The following GBP7 variants were observed in gnomAD, a reference collection of about 807,000 sequenced individuals.
The protein encoded by GBP7 is guanylate-binding protein 7.
A neutral mutation model predicts 61.3 loss-of-function variants in GBP7; 43 were observed. That is an observed-to-expected ratio of 0.70 (90% CI 0.55 to 0.91). The LOEUF is 0.91. GBP7 is among the 40% of genes least tolerant of loss of function. The pLI, the probability that GBP7 is intolerant of heterozygous loss-of-function variation, is 0.00. For synonymous variants in GBP7, 267 were observed against 271.0 expected (o/e 0.99, Z 0.14); for missense variants, 717 against 740.5 (o/e 0.97, Z 0.37).
Position 89,175,571 on chromosome 1 carries a change from G to T in GBP7, c.-20+350C>A, listed in dbSNP as rs1647718683. 2.0e-5 allele frequency among the ~76,000 whole-genome samples: 3 copies of T among 152,268 alleles called. No individual in the cohort carries two copies. The South Asian group carries it at 6.2e-4, about 32-fold the overall frequency. On this transcript the variant is annotated intron_variant, in intron 1 of 10. Coordinates refer to ENST00000294671, the MANE Select transcript of GBP7 (RefSeq NM_207398.3). ...TGCCTCTTTTTGCAGATCCCAAGTT[G>T]CCTACCTTCATTTACCTAGAGCTAT...
chr1:89,154,886 T>C (rs1754160), intron 3 of GBP7, among the ~76,000 whole-genome samples: 106,286 of 151,914 alleles, frequency 0.7, 37,414 homozygotes, highest in East Asian at 0.78. Context: ...GATCTGAGAA[T>C]GGACAGACTG....
chr1:89,135,085 TGAG>T (rs544077815), intron 9 of GBP7, among the ~76,000 whole-genome samples: 2 of 151,892 alleles, frequency 1.3e-5, no homozygotes, highest in Non-Finnish European at 2.9e-5. Flanking sequence ...TAGACCAAGA[TGAG>T]GAAATAATCT....
In GBP7 at chr1:89,137,919, GT is replaced by G. The variant is rs1681843271; in HGVS notation, c.1468+3626del. ...GAAAACTCCATAATTTCTGCCCAAA[GT>G]CTCATCCATCTGATAAACATCAGCA... On this transcript the variant is annotated intron_variant, in intron 9 of 10. Transcript: ENST00000294671. 2.0e-5 allele frequency among the ~76,000 whole-genome samples: 3 copies of G among 152,152 alleles called. No homozygotes were observed. The South Asian group carries it at 6.2e-4, about 32-fold the overall frequency.
Position 89,146,801 on chromosome 1 carries a change from G to A in GBP7, c.1365+766C>T, listed in dbSNP as rs1279608215. Among the ~76,000 whole-genome samples the A allele has an allele frequency of 2.0e-5, 3 of 152,198 alleles. No homozygotes were observed. The East Asian group carries it at 5.8e-4, about 29-fold the overall frequency. Reference sequence around the variant, plus strand: ...GTCAAAAGATAACAAGCGTTGGCAAGGATGTGGAGAAAAGGGAACCCTTAG... The same window carrying A: ...GTCAAAAGATAACAAGCGTTGGCAAAGATGTGGAGAAAAGGGAACCCTTAG... On this transcript the variant is annotated intron_variant, in intron 8 of 10. Transcript: ENST00000294671.
At chr1:89,147,512 C>T (rs1017777621) in intron 8 of GBP7, 55 bp downstream of exon 8, 17 of 1,403,418 alleles carry the variant, frequency 1.2e-5, no homozygotes, top group South Asian at 5.8e-5. Context: ...GAAGAGGCAA[C>T]GAAGACCCTC....
At chr1:89,167,496 A>T (rs536716725) in intron 2 of GBP7, among the ~76,000 whole-genome samples, 1 of 152,114 alleles carries the variant, frequency 6.6e-6, no homozygotes, top group Admixed American at 6.5e-5. Flanking sequence ...TGCCTGCTTG[A>T]TTTAAAAATT....
chr1:89,171,344 T>C (rs1416417307), intron 2 of GBP7, among the ~76,000 whole-genome samples: 1 of 152,096 alleles, frequency 6.6e-6, no homozygotes, highest in Non-Finnish European at 1.5e-5. Context: ...AACAGTCTCA[T>C]GTAAAAGAGA....
chr1:89,175,405 G>A (rs1253093028), intron 1 of GBP7, among the ~76,000 whole-genome samples: 1 of 152,220 alleles, frequency 6.6e-6, no homozygotes. Context: ...GGTATCTATG[G>A]AAGATGAGTG....
chr1:89,140,756 C>A (rs1681920841), intron 9 of GBP7, among the ~76,000 whole-genome samples: 1 of 152,176 alleles, frequency 6.6e-6, no homozygotes, highest in Non-Finnish European at 1.5e-5. Flanking sequence ...TGTGCATGTT[C>A]ATCGGTGCAC....
In GBP7 at chr1:89,152,333, A is replaced by G. The variant is rs562450376; in HGVS notation, c.560T>C (p.Leu187Pro). 3 of 1,614,136 alleles carry G rather than the reference A, an allele frequency of 1.9e-6. No individual in the cohort carries two copies. Among genetic ancestry groups the G allele is most frequent in the South Asian group, 2.2e-5 (2 of 91,088 alleles). The change falls in exon 5 of 11, where the codon CTG becomes CCG. Residue 187 changes from leucine (L) to proline (P), a missense_variant. By Grantham distance (98) the Leu-to-Pro change is moderately conservative. Around this residue, in one of 3 missense-constraint regions of GBP7, gnomAD observed 387 missense variants for 385.2 expected, o/e 1.00. Coordinates refer to ENST00000294671, the MANE Select transcript of GBP7 (RefSeq NM_207398.3). The stretch of plus-strand genomic sequence containing the variant: ...TGTGATGGGGTGTCCATCTAACTTC[A>G]GCTCCAGGGTAAAATCTCGAACAGT... ...IWTVRDFTLE[L>P]KLDGHPITED...
intron 2 of GBP7, among the ~76,000 whole-genome samples, chr1:89,166,223 G>A (rs890901030): frequency 3.3e-5 from 5 of 152,174 alleles, no homozygotes; most frequent in African/African-American, 4.8e-5. Flanking sequence ...CAAGAGGTCC[G>A]GGTACTGGGT....
At chr1:89,140,451 A>AT (rs1187174418) in intron 9 of GBP7, among the ~76,000 whole-genome samples, 2 of 86,032 alleles carry the variant, frequency 2.3e-5, no homozygotes, top group Non-Finnish European at 4.7e-5. Flanking sequence ...AATAATAATA[A>AT]AAAAAACTGA....
At chr1:89,150,690 A>G (rs1410316496) in intron 5 of GBP7, 115 bp from the exon 6 acceptor site, 3 of 1,069,978 alleles carry the variant, frequency 2.8e-6, no homozygotes, top group African/African-American at 3.2e-5. Context: ...CTGTGAATCT[A>G]CTCTATGTAA....
chr1:89,171,795 G>T lies in GBP7; in HGVS notation c.141C>A (p.Tyr47Ter), dbSNP rs1647606655. ...PVVVVAIVGL[Y>*]RTGKSYLMNK... is the part of the protein sequence containing the mutation. Reference sequence around the variant, plus strand: ...TCATTAGGTAGGATTTGCCTGTGCGGTAGAGGCCCACAATTGCCACCACTA... The same window carrying T: ...TCATTAGGTAGGATTTGCCTGTGCGTTAGAGGCCCACAATTGCCACCACTA... The change falls in exon 2 of 11, where the codon TAC becomes TAA. Residue 47 changes from tyrosine to a stop codon, truncating the protein, a stop_gained. Coordinates refer to ENST00000294671, the MANE Select transcript of GBP7 (RefSeq NM_207398.3). LOFTEE classifies it high-confidence loss of function. 1.2e-6 allele frequency: 2 copies of T among 1,613,394 alleles called. No individual in the cohort carries two copies. Among genetic ancestry groups the T allele is most frequent in the African/African-American group, 2.7e-5 (2 of 74,682 alleles).
chr1:89,133,539 G>A (rs1032978475), intron 9 of GBP7, 88 bp from the exon 10 acceptor site: 12 of 1,079,842 alleles, frequency 1.1e-5, no homozygotes, highest in Non-Finnish European at 1.5e-5. Flanking sequence ...GTCAGGAAGA[G>A]CTTCTCCCAC....
chr1:89,134,624 A>G (rs4655902), intron 9 of GBP7, among the ~76,000 whole-genome samples: 110,723 of 149,838 alleles, frequency 0.74, 41,212 homozygotes, highest in African/African-American at 0.82. Context: ...AAAAAAACCC[A>G]GTCAGATGAA....
At chr1:89,175,335 G>A (rs1317441704) in intron 1 of GBP7, among the ~76,000 whole-genome samples, 1 of 152,108 alleles carries the variant, frequency 6.6e-6, no homozygotes, top group African/African-American at 2.4e-5. Flanking sequence ...TCCTCTTATA[G>A]CAATGGCCTA....
chr1:89,147,533 C>T (rs1180089294), intron 8 of GBP7, 34 bp downstream of exon 8: 1 of 1,545,206 alleles, frequency 6.5e-7, no homozygotes, highest in East Asian at 2.3e-5. Flanking sequence ...TGACTATCCT[C>T]TGTCATCCAT....
Position 89,152,792 on chromosome 1 carries a change from A to T in GBP7, c.319-15T>A. On this transcript the variant is annotated splice_polypyrimidine_tract_variant and intron_variant, in intron 3 of 10. Transcript: ENST00000294671. Reference sequence around the variant, plus strand: ...TTAGGGTCACTCTAGTGTTAAAGAAAAAAAAAAAAAAAATGGAAGCCACAG... The same window carrying T: ...TTAGGGTCACTCTAGTGTTAAAGAATAAAAAAAAAAAAATGGAAGCCACAG... 1 of 1,421,530 alleles carries T rather than the reference A, an allele frequency of 7.0e-7. No individual in the cohort carries two copies. Among genetic ancestry groups the T allele is most frequent in the African/African-American group, 1.7e-5 (1 of 59,454 alleles). The allele number at this position is 1,421,530 out of a possible 1,614,324, so 88.1% of individuals were successfully genotyped here.
Sources: allele counts gnomAD v4.1 joint callset (sites outside exome capture counted in the v4.1 genomes callset), GRCh38; gene constraint gnomAD v4.1.1; regional missense constraint gnomAD v4.1.1; transcripts MANE v1.5; gene names NCBI Gene and HGNC (gene_info 2026-07-23, HGNC 2026-07-21).